SAMTOR: variants seen among roughly 807,000 people sequenced by gnomAD.
SAMTOR encodes the protein S-adenosylmethionine sensor upstream of mTORC1, also known as UPF0532 protein C7orf60.
chr7:112,916,987 G>C, the SAMTOR span, among the ~76,000 whole-genome samples: 2 of 152,204 alleles, frequency 1.3e-5, no homozygotes, highest in African/African-American at 4.8e-5. Context: ...AGGCCTGCCT[G>C]CCTGCCTCTG....
At chr7:112,896,168 TAAC>T in the SAMTOR span, among the ~76,000 whole-genome samples, 2 of 152,184 alleles carry the variant, frequency 1.3e-5, no homozygotes, top group African/African-American at 4.8e-5. Flanking sequence ...GGGTTTATGA[TAAC>T]AAAGTCAGGG....
At chr7:112,896,966 G>A in the SAMTOR span, among the ~76,000 whole-genome samples, 10 of 152,136 alleles carry the variant, frequency 6.6e-5, no homozygotes, top group East Asian at 1.9e-3. Context: ...CAAGATACAT[G>A]AAGTTTAAAG....
the SAMTOR span, chr7:112,832,485 G>C: frequency 1.2e-6 from 1 of 809,872 alleles, no homozygotes; most frequent in African/African-American, 1.7e-5. Flanking sequence ...TGCTATTTTA[G>C]GGATGCAAAG....
At chr7:112,824,110 C>G in the SAMTOR span, among the ~76,000 whole-genome samples, 3 of 151,968 alleles carry the variant, frequency 2.0e-5, no homozygotes, top group African/African-American at 7.2e-5. Context: ...AAAATATTTT[C>G]TCAGTATCAT....
chr7:112,927,947 A>G, the SAMTOR span, among the ~76,000 whole-genome samples: 1 of 152,030 alleles, frequency 6.6e-6, no homozygotes, highest in Non-Finnish European at 1.5e-5. Context: ...ATCTTATATC[A>G]AGATAATACC....
At chr7:112,882,564 C>G in the SAMTOR span, among the ~76,000 whole-genome samples, 1 of 151,890 alleles carries the variant, frequency 6.6e-6, no homozygotes, top group Non-Finnish European at 1.5e-5. Context: ...TGGCACGTGC[C>G]TGTAATCCCA....
At chr7:112,858,031 TCTTTTTTGTTG>T in the SAMTOR span, among the ~76,000 whole-genome samples, 4 of 152,090 alleles carry the variant, frequency 2.6e-5, no homozygotes, top group Non-Finnish European at 5.9e-5. Flanking sequence ...ATGATGATGG[TCTTTTTTGTTG>T]CTCCAGGGCT....
the SAMTOR span, among the ~76,000 whole-genome samples, chr7:112,905,277 G>T: frequency 1.3e-5 from 2 of 152,096 alleles, no homozygotes; most frequent in South Asian, 4.1e-4. Flanking sequence ...GGTGCAGTAT[G>T]TCCCCTTCTC....
At chr7:112,834,431 T>C in the SAMTOR span, among the ~76,000 whole-genome samples, 9 of 152,128 alleles carry the variant, frequency 5.9e-5, no homozygotes, top group African/African-American at 2.2e-4. Context: ...ACAGATGCAA[T>C]TGACTTGGAT....
chr7:112,852,544 G>A, the SAMTOR span, among the ~76,000 whole-genome samples: 2 of 152,102 alleles, frequency 1.3e-5, no homozygotes, highest in East Asian at 3.9e-4. Context: ...ACATCACTAC[G>A]CAATGTATCC....
the SAMTOR span, among the ~76,000 whole-genome samples, chr7:112,898,257 G>A: frequency 6.6e-6 from 1 of 152,204 alleles, no homozygotes; most frequent in African/African-American, 2.4e-5. Flanking sequence ...TAGTCTTTGG[G>A]TGAGCCCCAG....
the SAMTOR span, among the ~76,000 whole-genome samples, chr7:112,902,460 AC>A: frequency 2.1e-5 from 3 of 141,850 alleles, no homozygotes; most frequent in Admixed American, 7.3e-5. Context: ...AAAAAAAAAA[AC>A]CAAAAAAGTT....
the SAMTOR span, among the ~76,000 whole-genome samples, chr7:112,857,079 CTT>C: frequency 2.3e-4 from 24 of 105,772 alleles, no homozygotes; most frequent in African/African-American, 8.2e-4. Flanking sequence ...TTCTTTTAAT[CTT>C]TTTTTTTTTT....
the SAMTOR span, among the ~76,000 whole-genome samples, chr7:112,929,971 T>C: frequency 1.7e-5 from 2 of 118,068 alleles, no homozygotes; most frequent in African/African-American, 5.0e-5. Flanking sequence ...TTGAGGGCCA[T>C]CAAATTCTCT....
At chr7:112,922,027 T>C in the SAMTOR span, among the ~76,000 whole-genome samples, 4 of 152,032 alleles carry the variant, frequency 2.6e-5, no homozygotes, top group African/African-American at 4.8e-5. Context: ...ACTGTACTGC[T>C]GCCATCTCGG....
chr7:112,850,463 A>G, the SAMTOR span, among the ~76,000 whole-genome samples: 1 of 152,148 alleles, frequency 6.6e-6, no homozygotes, highest in Non-Finnish European at 1.5e-5. Context: ...TGGGAACAGT[A>G]TCAGTAAGAT....
At chr7:112,929,438 A>G in the SAMTOR span, among the ~76,000 whole-genome samples, 1 of 152,076 alleles carries the variant, frequency 6.6e-6, no homozygotes, top group Non-Finnish European at 1.5e-5. Context: ...GACCAGAGAT[A>G]ACAAGCATTG....
At chr7:112,929,919 G>C in the SAMTOR span, among the ~76,000 whole-genome samples, 9 of 152,016 alleles carry the variant, frequency 5.9e-5, no homozygotes, top group Non-Finnish European at 1.0e-4. Flanking sequence ...TGTGCCACAA[G>C]CATGGTATAT....
chr7:112,866,935 C>A, the SAMTOR span, among the ~76,000 whole-genome samples: 13 of 152,144 alleles, frequency 8.5e-5, no homozygotes, highest in African/African-American at 2.9e-4. Context: ...CAAAAGAATG[C>A]GATTGTAAAC....
Sources: gnomAD v4.1 joint callset for allele counts (sites outside exome capture counted in the v4.1 genomes callset) on GRCh38, gnomAD v4.1.1 for gene constraint, MANE v1.5 for transcripts, NCBI Gene and HGNC (gene_info 2026-07-23, HGNC 2026-07-21) for gene names.